The following NDUFAF5 variants were observed in gnomAD, a reference collection of about 807,000 sequenced individuals.
NDUFAF5 encodes NADH:ubiquinone oxidoreductase complex assembly factor 5.
Under a neutral mutation model 48.9 loss-of-function variants are expected in NDUFAF5, and 34 were observed. The observed-to-expected ratio is 0.70, with a 90% CI of 0.53 to 0.93. NDUFAF5 has a LOEUF of 0.93. Among genes scored for constraint, NDUFAF5 ranks in the 40% least tolerant of loss-of-function variants. NDUFAF5 has a pLI of 0.00. For missense variants in NDUFAF5, 428 were observed against 427.5 expected (o/e 1.00, Z -0.01); for synonymous variants, 153 against 150.6 (o/e 1.02, Z -0.12).
intron 7 of NDUFAF5, among the ~76,000 whole-genome samples, chr20:13,808,205 A>G (rs1985353020): frequency 6.6e-6 from 1 of 152,142 alleles, no homozygotes; most frequent in Admixed American, 6.6e-5. Context: ...GCCAAAAGAA[A>G]TATGTGTTTG....
chr20:13,811,798 GTTC>G (rs1235383685), intron 8 of NDUFAF5, among the ~76,000 whole-genome samples: 1 of 152,266 alleles, frequency 6.6e-6, no homozygotes, highest in Non-Finnish European at 1.5e-5. Context: ...TTGTGAGGTG[GTTC>G]TTTTATATAT....
In NDUFAF5 at chr20:13,801,644, A is replaced by C. The variant is rs143253877; in HGVS notation, c.678A>C (p.Gly226=). ...ISPFTAVNDL[G]HLLGRAGFNT... The stretch of plus-strand genomic sequence containing the variant: ...CTTTCACTGCTGTCAATGACCTGGG[A>C]CATCTGCTTGGGAGAGCTGGCTTTA... Residue 226 remains glycine, a synonymous_variant, in exon 7 of 11, where the codon GGA becomes GGC. Transcript: ENST00000378106. The C allele has an allele frequency of 1.1e-5, 17 of 1,613,954 alleles. No individual in the cohort carries two copies. Among genetic ancestry groups the C allele is most frequent in the Non-Finnish European group, 1.7e-6 (2 of 1,180,014 alleles).
intron 9 of NDUFAF5, 26 bp downstream of exon 9, chr20:13,816,572 G>A (rs756462551): frequency 7.6e-6 from 12 of 1,576,812 alleles, no homozygotes; most frequent in African/African-American, 1.4e-5. Context: ...TCTTTCACCC[G>A]CCTCACCAAG....
At position 13,801,578 on chromosome 20, in the gene NDUFAF5, G is replaced by A. The variant is rs147579272; in HGVS notation, c.612G>A (p.Ala204=). The change falls in exon 7 of 11, where the codon GCG becomes GCA. Residue 204 remains alanine, a synonymous_variant. Transcript: ENST00000378106. ...LYELRCSLQL[A]ETEREGGFSP... Reference sequence around the variant, plus strand: ...AACTTCGGTGTTCCTTACAGTTAGCGGAAACGGAAAGGGAAGGAGGATTTT... The same window carrying A: ...AACTTCGGTGTTCCTTACAGTTAGCAGAAACGGAAAGGGAAGGAGGATTTT... The A allele has an allele frequency of 3.5e-4, 559 of 1,613,806 alleles. 1 individual carries two copies. The highest frequency in any genetic ancestry group is 4.4e-4 in the Non-Finnish European group (514 of 1,179,940).
chr20:13,793,032 A>G (rs1353347282), intron 3 of NDUFAF5, 148 bp from the exon 4 acceptor site: 2 of 793,914 alleles, frequency 2.5e-6, no homozygotes, highest in Middle Eastern at 3.5e-4. Context: ...GTGTTATTAA[A>G]AGTATTTGTG....
rs539016310 is a variant in NDUFAF5, at chr20:13,785,176, C to T, written c.108C>T (p.Arg36=). ...AAGTCACCTCTGGTGTCTCTCCCCGCGGTAGCACCTCGCCCAGAACCCTGA... is the reference window on the plus strand; with the variant it reads ...AAGTCACCTCTGGTGTCTCTCCCCGTGGTAGCACCTCGCCCAGAACCCTGA... The part of the protein sequence containing the change: ...RREVTSGVSP[R]GSTSPRTLNI... Residue 36 remains arginine (R), a synonymous_variant, in exon 1 of 11, where the codon CGC becomes CGT. Coordinates refer to ENST00000378106, the MANE Select transcript of NDUFAF5 (RefSeq NM_024120.5). The T allele has an allele frequency of 4.2e-5, 68 of 1,613,870 alleles. No individual in the cohort carries two copies. The highest frequency in any genetic ancestry group is 5.6e-5 in the Non-Finnish European group (66 of 1,179,922).
In NDUFAF5 at chr20:13,818,468, T is replaced by G. The variant is rs1192423225; in HGVS notation, c.*1258T>G. The G allele has an allele frequency of 2.0e-5, 7 of 344,078 alleles. No individual in the cohort carries two copies. The highest frequency in any genetic ancestry group is 1.6e-4 in the South Asian group (7 of 43,426). The allele number at this position is 344,078 out of a possible 1,614,324, so 21.3% of individuals were successfully genotyped here. On this transcript the variant is annotated 3_prime_UTR_variant, in exon 11 of 11. Coordinates refer to ENST00000378106, the MANE Select transcript of NDUFAF5 (RefSeq NM_024120.5). ...GTTTTTTTTTTTTTTAGCTTAATTT[T>G]CAGAACTTGAAGAGAGAGAACAACA...
chr20:13,813,591 C>G (rs1986128556), intron 8 of NDUFAF5, among the ~76,000 whole-genome samples: 1 of 152,086 alleles, frequency 6.6e-6, no homozygotes, highest in African/African-American at 2.4e-5. Context: ...AGACAGACTC[C>G]TACATTCAAC....
chr20:13,797,831 T>C (rs1266919714), intron 5 of NDUFAF5, among the ~76,000 whole-genome samples: 2 of 152,150 alleles, frequency 1.3e-5, no homozygotes, highest in Non-Finnish European at 2.9e-5. Context: ...TGTGTGGGAA[T>C]AGGAGTATGT....
intron 1 of NDUFAF5, among the ~76,000 whole-genome samples, chr20:13,785,605 A>C (rs79372179): frequency 0.035 from 5,370 of 152,316 alleles, 158 homozygotes; most frequent in Middle Eastern, 0.058. Context: ...AGGGCCTTGC[A>C]GGATAGGGAC....
intron 8 of NDUFAF5, among the ~76,000 whole-genome samples, chr20:13,815,006 G>A (rs1986298067): frequency 6.6e-6 from 1 of 152,150 alleles, no homozygotes; most frequent in Non-Finnish European, 1.5e-5. Flanking sequence ...GCTGATGTAG[G>A]TCAGACCTTC....
intron 3 of NDUFAF5, among the ~76,000 whole-genome samples, chr20:13,789,891 A>G (rs111733272): frequency 3.3e-5 from 5 of 152,348 alleles, no homozygotes; most frequent in African/African-American, 1.2e-4. Context: ...AGTAAATGCC[A>G]TAGAAATGGT....
chr20:13,808,593 G>A (rs1476682281), intron 7 of NDUFAF5, among the ~76,000 whole-genome samples: 1 of 152,150 alleles, frequency 6.6e-6, no homozygotes, highest in African/African-American at 2.4e-5. Flanking sequence ...ATTCTGTGTG[G>A]TTCCCAAAGA....
intron 4 of NDUFAF5, among the ~76,000 whole-genome samples, 172 bp downstream of exon 4, chr20:13,793,399 A>G (rs912994276): frequency 6.6e-6 from 1 of 152,156 alleles, no homozygotes; most frequent in African/African-American, 2.4e-5. Flanking sequence ...CCCTAGTCCT[A>G]CCATTCAGAG....
In NDUFAF5 at chr20:13,818,145, C is replaced by T. The variant is rs763180894; in HGVS notation, c.*935C>T. The T allele has an allele frequency of 4.4e-6, 2 of 454,114 alleles. No individual in the cohort carries two copies. Among genetic ancestry groups the T allele is most frequent in the Non-Finnish European group, 8.8e-6 (2 of 226,796 alleles). 28.1% of individuals were successfully genotyped at this position (454,114 alleles called of 1,614,324 possible). ...GTCTCTCTTCTGCCTTCCTTCCCTC[C>T]TTTACTGTATTAGCAACAAGCTGTC... On this transcript the variant is annotated 3_prime_UTR_variant, in exon 11 of 11. Transcript: ENST00000378106.
Position 13,794,800 on chromosome 20 carries a change from A to G in NDUFAF5, c.376-38A>G, listed in dbSNP as rs776406155. On this transcript the variant is annotated intron_variant, in intron 4 of 10. Transcript: ENST00000378106. ...ATTGTGTTAGTAATTGAGATTCTAC[A>G]TAAATGTGATTTTGATCTTTCGTTT... is the stretch of plus-strand genomic sequence containing the variant. 5.8e-6 allele frequency: 7 copies of G among 1,206,134 alleles called. No homozygotes were observed. The African/African-American group carries it at 9.0e-5, about 15-fold the overall frequency. 74.7% of individuals were successfully genotyped at this position (1,206,134 alleles called of 1,614,324 possible).
rs1986923238 is a variant in NDUFAF5, at chr20:13,820,659, C to G, written c.*3449C>G. On this transcript the variant is annotated 3_prime_UTR_variant, in exon 11 of 11. Transcript: ENST00000378106. ...CAGCAAGCTGTCGCACCACTGCACT[C>G]TAGCCTGGGCAACAGCAAGACCCTC... 1.3e-5 allele frequency: 2 copies of G among 151,756 alleles called. No individual in the cohort carries two copies. Among genetic ancestry groups the G allele is most frequent in the Admixed American group, 1.3e-4 (2 of 15,226 alleles). 9.4% of individuals were successfully genotyped at this position (151,756 alleles called of 1,614,324 possible). A position where few individuals can be genotyped will look rare whatever the true frequency, so the allele number is the denominator to read the frequency against.
chr20:13,811,402 A>G (rs1472668229), intron 8 of NDUFAF5, among the ~76,000 whole-genome samples: 1 of 152,150 alleles, frequency 6.6e-6, no homozygotes, highest in Non-Finnish European at 1.5e-5. Flanking sequence ...GTGGTTGATT[A>G]GAGATGAGAT....
At chr20:13,794,979 CAG>C (rs1317026884) in intron 5 of NDUFAF5, 38 bp downstream of exon 5, 1 of 1,379,424 alleles carries the variant, frequency 7.2e-7, no homozygotes. Flanking sequence ...ATGTTATAAA[CAG>C]ATCATTCTTG....
Sources: allele counts gnomAD v4.1 joint callset (sites outside exome capture counted in the v4.1 genomes callset), GRCh38; gene constraint gnomAD v4.1.1; transcripts MANE v1.5; gene names NCBI Gene and HGNC (gene_info 2026-07-23, HGNC 2026-07-21).